Variants in PIK3C2B observed in about 807,000 individuals in gnomAD.
PIK3C2B encodes phosphatidylinositol 4-phosphate 3-kinase C2 domain-containing subunit beta.
In PIK3C2B, 83 loss-of-function variants were observed where a neutral mutation model predicts 184.3. That is an observed-to-expected ratio of 0.45 (90% CI 0.38 to 0.54). PIK3C2B has a LOEUF of 0.54. PIK3C2B is among the 20% of genes least tolerant of loss of function. The pLI is 0.00. For synonymous variants in PIK3C2B, 779 were observed against 837.6 expected (o/e 0.93, Z 1.21); for missense variants, 1,736 against 2,113.5 (o/e 0.82, Z 3.50).
At chr1:204,470,286 G>C (rs986969437) in intron 1 of PIK3C2B, among the ~76,000 whole-genome samples, 2 of 151,590 alleles carry the variant, frequency 1.3e-5, no homozygotes, top group Admixed American at 6.6e-5. Flanking sequence ...TCCTGCCTCA[G>C]CCTCCCTAGT....
chr1:204,446,568 C>A (rs1322274497), intron 15 of PIK3C2B, among the ~76,000 whole-genome samples: 2 of 152,218 alleles, frequency 1.3e-5, no homozygotes, highest in Non-Finnish European at 1.5e-5. Flanking sequence ...CACCAGAGGG[C>A]AGTGGTCCCC....
intron 1 of PIK3C2B, among the ~76,000 whole-genome samples, chr1:204,492,893 TG>T (rs1436806202): frequency 6.6e-6 from 1 of 152,192 alleles, no homozygotes; most frequent in African/African-American, 2.4e-5. Context: ...AGCCACAGCC[TG>T]GGTCTAGGGC....
chr1:204,461,510 G>A (rs922871105), intron 5 of PIK3C2B, among the ~76,000 whole-genome samples: 18 of 152,168 alleles, frequency 1.2e-4, no homozygotes, highest in African/African-American at 4.3e-4. Context: ...TCCTTCCTCA[G>A]CAGAGCTGGG....
Position 204,466,829 on chromosome 1 carries a change from G to A in PIK3C2B, c.934-1510C>T, listed in dbSNP as rs532636849. 5.4e-4 allele frequency: 288 copies of A among 532,536 alleles called. 5 individuals are homozygous for A. In the Middle Eastern group the frequency reaches 0.015, roughly 27 times the overall value. The allele number at this position is 532,536 out of a possible 1,614,324, so 33.0% of individuals were successfully genotyped here. On this transcript the variant is annotated intron_variant, in intron 2 of 32. Transcript: ENST00000684373. ...CCGATGCTGGCTGGGGGAGTCTGCCGGGCAGAGGCTGGCAGCAGGGGTATC... is the reference window on the plus strand; with the variant it reads ...CCGATGCTGGCTGGGGGAGTCTGCCAGGCAGAGGCTGGCAGCAGGGGTATC...
At chr1:204,461,433 C>T (rs919117280) in intron 5 of PIK3C2B, among the ~76,000 whole-genome samples, 1 of 152,158 alleles carries the variant, frequency 6.6e-6, no homozygotes, top group Non-Finnish European at 1.5e-5. Flanking sequence ...GGAGAACTAC[C>T]TCCAGGCCAG....
chr1:204,454,816 G>A (rs771447139), intron 11 of PIK3C2B, 25 bp from the exon 12 acceptor site: 24 of 1,600,268 alleles, frequency 1.5e-5, no homozygotes, highest in Non-Finnish European at 2.0e-5. Flanking sequence ...GAGCAGGTCA[G>A]GACACCCAGC....
intron 18 of PIK3C2B, 149 bp downstream of exon 18, chr1:204,443,919 A>T: frequency 1.5e-6 from 1 of 672,206 alleles, no homozygotes; most frequent in Non-Finnish European, 2.7e-6. Flanking sequence ...GAGACCCCTG[A>T]GGAAAAGATG....
In PIK3C2B at chr1:204,457,652, T is replaced by C. The variant is rs61762599; in HGVS notation, c.1713+76A>G. The C allele has an allele frequency of 0.014, 19,807 of 1,435,314 alleles. 821 individuals are homozygous for C. Among genetic ancestry groups the C allele is most frequent in the African/African-American group, 0.11 (7,986 of 69,680 alleles). The allele number at this position is 1,435,314 out of a possible 1,614,324, so 88.9% of individuals were successfully genotyped here. A position where few individuals can be genotyped will look rare whatever the true frequency, so the allele number is the denominator to read the frequency against. ...TTTTAGTGAGTGAACACCTACACAC[T>C]CTAGCAACAGGCAACTCAGTTACCT... On this transcript the variant is annotated intron_variant, in intron 9 of 32. Transcript: ENST00000684373.
Position 204,447,569 on chromosome 1 carries a change from G to C in PIK3C2B, c.2356C>G (p.Pro786Ala), listed in dbSNP as rs759392869. The stretch of plus-strand genomic sequence containing the variant: ...AACTTGATGTCAAAGGCCGAGGTGG[G>C]GAAGTCAATCTGGGGGATGAGATCA... Reference protein sequence around the residue: ...PDSVILQIDFPTSAFDIKFTS... With the variant: ...PDSVILQIDFATSAFDIKFTS... The change falls in exon 15 of 33, where the codon CCC becomes GCC. Residue 786 changes from proline (P) to alanine (A), a missense_variant. Transcript: ENST00000684373. This position sits in a 1 kb window ranked among gnomAD's most constrained non-coding sequence, Gnocchi z 4.1. 19 of 1,608,238 alleles carry C rather than the reference G, an allele frequency of 1.2e-5. No homozygotes were observed. In the South Asian group the frequency reaches 2.0e-4, roughly 17 times the overall value.
chr1:204,476,643 G>A (rs373612710), intron 1 of PIK3C2B, among the ~76,000 whole-genome samples: 3 of 152,326 alleles, frequency 2.0e-5, no homozygotes, highest in South Asian at 2.1e-4. Context: ...AGCCATGTCG[G>A]TCCCTTGAAA....
In PIK3C2B at chr1:204,460,530, T is replaced by C. The variant is rs2103503981; in HGVS notation, c.1422+20A>G. ...CCACCTCCCCAGCCCTGGGCAACCC[T>C]CCACCACCCTCACACGAACCGTCCG... On this transcript the variant is annotated intron_variant, in intron 6 of 32. Transcript: ENST00000684373. 1.2e-6 allele frequency: 2 copies of C among 1,601,174 alleles called. No individual in the cohort carries two copies. Among genetic ancestry groups the C allele is most frequent in the Non-Finnish European group, 1.7e-6 (2 of 1,168,364 alleles).
rs1363379110 is a variant in PIK3C2B at position 204,444,574 on chromosome 1, C to T, written c.2679-150G>A. ...CTAAAGTCACTAGAAGAATCCTTAG[C>T]AACTTCCCTGGATAGCAACCCTTGG... On this transcript the variant is annotated intron_variant, in intron 16 of 32. Transcript: ENST00000684373. 12 of 625,362 alleles carry T rather than the reference C, an allele frequency of 1.9e-5. 1 individual carries two copies. The East Asian group carries it at 2.5e-4, about 13-fold the overall frequency. 38.7% of individuals were successfully genotyped at this position (625,362 alleles called of 1,614,324 possible). A position where few individuals can be genotyped will look rare whatever the true frequency, so the allele number is the denominator to read the frequency against.
At chr1:204,434,376 C>CTG in intron 24 of PIK3C2B, 63 bp downstream of exon 24, 1 of 1,479,272 alleles carries the variant, frequency 6.8e-7, no homozygotes, top group Non-Finnish European at 9.4e-7. Context: ...TGTCCCAGCT[C>CTG]TGAACCACTG....
intron 29 of PIK3C2B, among the ~76,000 whole-genome samples, 193 bp from the exon 30 acceptor site, chr1:204,428,413 G>A (rs1438727389): frequency 6.6e-6 from 1 of 152,188 alleles, no homozygotes; most frequent in Non-Finnish European, 1.5e-5. Context: ...TTTTGAATAT[G>A]GACTATGGAC....
chr1:204,429,071 T>A (rs1674898464), intron 29 of PIK3C2B, among the ~76,000 whole-genome samples: 1 of 149,002 alleles, frequency 6.7e-6, no homozygotes, highest in South Asian at 2.1e-4. Flanking sequence ...AAAAAAAAAA[T>A]ACAAAAATTA....
rs557224886 is a variant in PIK3C2B at position 204,456,914 on chromosome 1, A to C, written c.1747+123T>G. ...CACACACACACACACACACCCACAC[A>C]CACACACACACCAGCCGAACTCCGA... is the stretch of plus-strand genomic sequence containing the variant. On this transcript the variant is annotated intron_variant, in intron 10 of 32. Transcript: ENST00000684373. 3.9e-4 allele frequency: 73 copies of C among 187,436 alleles called. No individual in the cohort carries two copies. The East Asian group carries it at 4.4e-3, about 11-fold the overall frequency. 11.6% of individuals were successfully genotyped at this position (187,436 alleles called of 1,614,324 possible). A position where few individuals can be genotyped will look rare whatever the true frequency, so the allele number is the denominator to read the frequency against.
Position 204,425,756 on chromosome 1 carries a change from G to T in PIK3C2B, c.4588-15C>A, listed in dbSNP as rs774991928. The stretch of plus-strand genomic sequence containing the variant: ...TGGAGCAGTTGCTACAATAGAATGA[G>T]AACCAAAAAAATGTTAAGATTTTTA... On this transcript the variant is annotated splice_polypyrimidine_tract_variant and intron_variant, in intron 31 of 32. Coordinates refer to ENST00000684373, the MANE Select transcript of PIK3C2B (RefSeq NM_001377334.1). 2 of 1,602,580 alleles carry T rather than the reference G, an allele frequency of 1.2e-6. No individual in the cohort carries two copies. Among genetic ancestry groups the T allele is most frequent in the Non-Finnish European group, 8.5e-7 (1 of 1,176,630 alleles).
chr1:204,441,450 G>C lies in PIK3C2B; in HGVS notation c.3249+21C>G, dbSNP rs764638122. Reference sequence around the variant, plus strand: ...TCTCTCTCCCACCCTGGTCCACCAGGCTTGAGTAAAGTATTCTCACCTTGA... The same window carrying C: ...TCTCTCTCCCACCCTGGTCCACCAGCCTTGAGTAAAGTATTCTCACCTTGA... On this transcript the variant is annotated intron_variant, in intron 21 of 32. Coordinates refer to ENST00000684373, the MANE Select transcript of PIK3C2B (RefSeq NM_001377334.1). 7.8e-6 allele frequency: 12 copies of C among 1,543,982 alleles called. No homozygotes were observed. The South Asian group carries it at 1.2e-4, about 16-fold the overall frequency.
intron 28 of PIK3C2B, chr1:204,431,467 G>A (rs1373946287): frequency 4.9e-6 from 3 of 618,184 alleles, no homozygotes; most frequent in East Asian, 5.5e-5. Context: ...CAGTGGGCCT[G>A]GAGTGAGAGC....
Sources: allele counts gnomAD v4.1 joint callset (sites outside exome capture counted in the v4.1 genomes callset), GRCh38; gene constraint gnomAD v4.1.1; non-coding constraint Gnocchi (gnomAD v3.1); transcripts MANE v1.5; gene names NCBI Gene and HGNC (gene_info 2026-07-23, HGNC 2026-07-21).